Variants in SNX13 observed in about 807,000 individuals in gnomAD.
SNX13 encodes sorting nexin-13.
Under a neutral mutation model 133.6 loss-of-function variants are expected in SNX13, and 45 were observed. That is an observed-to-expected ratio of 0.34 (90% CI 0.27 to 0.43). The LOEUF is 0.43. Among genes scored for constraint, SNX13 ranks in the 20% least tolerant of loss-of-function variants. SNX13 has a pLI of 1.00. For synonymous variants in SNX13, 414 were observed against 373.9 expected (o/e 1.11, Z -1.24); for missense variants, 1,032 against 1,145.1 (o/e 0.90, Z 1.43).
intron 9 of SNX13, 35 bp from the exon 10 acceptor site, chr7:17,850,999 G>GA: frequency 6.4e-7 from 1 of 1,568,676 alleles, no homozygotes; most frequent in Non-Finnish European, 8.6e-7. Context: ...GGTGGGAGAG[G>GA]AACTCACTTA....
At chr7:17,848,044 T>C (rs1790756011) in intron 11 of SNX13, among the ~76,000 whole-genome samples, 1 of 152,126 alleles carries the variant, frequency 6.6e-6, no homozygotes, top group East Asian at 1.9e-4. Flanking sequence ...ATCCCTGTTT[T>C]CCTGCTCGAA....
intron 1 of SNX13, among the ~76,000 whole-genome samples, chr7:17,926,175 C>T (rs982350110): frequency 2.0e-5 from 3 of 152,060 alleles, no homozygotes; most frequent in African/African-American, 4.8e-5. Flanking sequence ...AGAGAGAAAG[C>T]AAATATGACA....
chr7:17,827,101 G>A (rs2128306635), intron 16 of SNX13, among the ~76,000 whole-genome samples: 1 of 152,090 alleles, frequency 6.6e-6, no homozygotes, highest in South Asian at 2.1e-4. Flanking sequence ...TAAAAAACCT[G>A]TACATTTAGT....
chr7:17,924,186 T>C (rs985963457), intron 1 of SNX13, among the ~76,000 whole-genome samples: 1 of 151,812 alleles, frequency 6.6e-6, no homozygotes, highest in Non-Finnish European at 1.5e-5. Context: ...ATCAAGAAAA[T>C]GAAAAGCTGT....
intron 1 of SNX13, among the ~76,000 whole-genome samples, chr7:17,901,223 T>C (rs1410119298): frequency 6.6e-6 from 1 of 151,984 alleles, no homozygotes; most frequent in Non-Finnish European, 1.5e-5. Flanking sequence ...CTTTTCCCTC[T>C]CCTCTTCTCA....
intron 9 of SNX13, among the ~76,000 whole-genome samples, chr7:17,866,284 A>C: frequency 6.6e-6 from 1 of 151,936 alleles, no homozygotes; most frequent in Non-Finnish European, 1.5e-5. Context: ...GAACTCAAAC[A>C]ACTCAATAGG....
chr7:17,806,990 G>A lies in SNX13; in HGVS notation c.2065-3410C>T, dbSNP rs182256658. Among the ~76,000 whole-genome samples the A allele has an allele frequency of 2.8e-3, 432 of 152,258 alleles. 12 individuals are homozygous for A. The highest frequency in any genetic ancestry group is 0.025 in the Admixed American group (389 of 15,302). On this transcript the variant is annotated intron_variant, in intron 20 of 25. Transcript: ENST00000428135. ...CCAGCAGATTTCCTCCGGTGCCTCC[G>A]CCACCACGGGCCTGGGTTTCAAGCA...
intron 9 of SNX13, among the ~76,000 whole-genome samples, chr7:17,856,816 GAAAAGAAAAAGA>G (rs1157700256): frequency 1.0e-4 from 14 of 136,152 alleles, no homozygotes; most frequent in African/African-American, 2.2e-4. Context: ...AAGAAAGAAA[GAAAAGAAAAAGA>G]AAAAGAAAAA....
intron 20 of SNX13, among the ~76,000 whole-genome samples, chr7:17,804,856 C>A (rs1583468953): frequency 6.6e-6 from 1 of 152,080 alleles, no homozygotes; most frequent in East Asian, 1.9e-4. Context: ...GGAATCATAG[C>A]AACGTTAATA....
chr7:17,799,371 A>T (rs978459850), intron 22 of SNX13, among the ~76,000 whole-genome samples: 1 of 151,764 alleles, frequency 6.6e-6, no homozygotes. Context: ...TAATGAATAA[A>T]TTTTAAGGCT....
rs778192546 is a variant in SNX13 at position 17,875,693 on chromosome 7, T to G, written c.538A>C (p.Thr180Pro). ...CCTTTCACTTGATCATCTTTCTCTG[T>G]TATTTTCTGTTGAGCCTTTCTGAAT... ...RVFRKAQQKI[T>P]EKDDQVKGTA... Residue 180 changes from threonine to proline, a missense_variant, in exon 6 of 26, where the codon ACA becomes CCA. Thr to Pro is a conservative substitution (Grantham distance 38). Coordinates refer to ENST00000428135, the MANE Select transcript of SNX13 (RefSeq NM_015132.5). The G allele has an allele frequency of 6.2e-7, 1 of 1,610,710 alleles. No homozygotes were observed. Among genetic ancestry groups the G allele is most frequent in the Non-Finnish European group, 8.5e-7 (1 of 1,177,996 alleles).
Position 17,912,640 on chromosome 7 carries a change from G to C in SNX13, c.13-15194C>G, listed in dbSNP as rs190739417. Among the ~76,000 whole-genome samples, 200 of 152,242 alleles carry C rather than the reference G, an allele frequency of 1.3e-3. 1 individual carries two copies. Among genetic ancestry groups the C allele is most frequent in the Non-Finnish European group, 2.4e-3 (163 of 68,022 alleles). ...TTGGCCAGGCTGGTCTTGAACTTCTGACCTCAAGTCATCCACCTGCCTTGG... is the reference window on the plus strand; with the variant it reads ...TTGGCCAGGCTGGTCTTGAACTTCTCACCTCAAGTCATCCACCTGCCTTGG... On this transcript the variant is annotated intron_variant, in intron 1 of 25. Coordinates refer to ENST00000428135, the MANE Select transcript of SNX13 (RefSeq NM_015132.5).
intron 9 of SNX13, among the ~76,000 whole-genome samples, chr7:17,861,771 T>G (rs1408692048): frequency 6.6e-6 from 1 of 152,216 alleles, no homozygotes; most frequent in East Asian, 1.9e-4. Flanking sequence ...GGATGCAAGA[T>G]GCCAGAAGTG....
At chr7:17,925,910 G>A (rs1019354671) in intron 1 of SNX13, among the ~76,000 whole-genome samples, 1 of 152,096 alleles carries the variant, frequency 6.6e-6, no homozygotes, top group African/African-American at 2.4e-5. Context: ...GTTCTAACTG[G>A]GAAAATTTGC....
At chr7:17,906,448 TA>T (rs1227045968) in intron 1 of SNX13, among the ~76,000 whole-genome samples, 2 of 151,946 alleles carry the variant, frequency 1.3e-5, no homozygotes, top group African/African-American at 4.8e-5. Flanking sequence ...CCACACAATT[TA>T]AAAAAACCAT....
chr7:17,854,372 A>C (rs909046714), intron 9 of SNX13, among the ~76,000 whole-genome samples: 1 of 152,236 alleles, frequency 6.6e-6, no homozygotes, highest in Non-Finnish European at 1.5e-5. Context: ...TATAGGAACA[A>C]GGAATAGCTA....
chr7:17,817,333 C>T (rs1338759302), intron 18 of SNX13, among the ~76,000 whole-genome samples: 1 of 152,198 alleles, frequency 6.6e-6, no homozygotes, highest in African/African-American at 2.4e-5. Context: ...CAGCCTAGTG[C>T]TGAAATTCAA....
intron 11 of SNX13, among the ~76,000 whole-genome samples, chr7:17,847,978 A>C (rs1293762401): frequency 1.3e-5 from 2 of 152,152 alleles, no homozygotes; most frequent in Non-Finnish European, 2.9e-5. Flanking sequence ...TCCCTGGCGA[A>C]ACACCACCCC....
At chr7:17,934,657 C>G (rs1390286418) in intron 1 of SNX13, among the ~76,000 whole-genome samples, 1 of 152,116 alleles carries the variant, frequency 6.6e-6, no homozygotes, top group Non-Finnish European at 1.5e-5. Flanking sequence ...AAGTGGTTAA[C>G]AGACTAAATA....
Sources: allele counts gnomAD v4.1 joint callset (sites outside exome capture counted in the v4.1 genomes callset), GRCh38; gene constraint gnomAD v4.1.1; transcripts MANE v1.5; gene names NCBI Gene and HGNC (gene_info 2026-07-23, HGNC 2026-07-21).